Variants in RC3H2 observed in about 807,000 individuals in gnomAD.
The protein encoded by RC3H2 is roquin-2.
RC3H2 carries 31 observed loss-of-function variants against 133.3 expected under a neutral mutation model. The ratio of observed to expected loss-of-function variants is 0.23; its 90% CI spans 0.17 to 0.31. RC3H2 has a LOEUF of 0.31. Ranked by LOEUF, RC3H2 falls within the 10% of genes least tolerant of loss-of-function variation. The probability of loss-of-function intolerance (pLI) is 1.00; values close to 1 mark genes in which losing one functional copy is unlikely to be tolerated. For synonymous variants in RC3H2, 517 were observed against 502.2 expected, an observed-to-expected ratio of 1.03 and a Z score of -0.40; for missense variants, 1,175 against 1,437.2, an observed-to-expected ratio of 0.82 and a Z score of 2.95.
intron 9 of RC3H2, among the ~76,000 whole-genome samples, chr9:122,867,475 C>A (rs369185725): frequency 1.3e-5 from 2 of 148,656 alleles, no homozygotes; most frequent in South Asian, 2.1e-4. Flanking sequence ...CAGCCCCCCG[C>A]CCGGCCAGCC....
chr9:122,848,460 T>C lies in RC3H2; in HGVS notation c.*1167A>G, dbSNP rs1829913479. On this transcript the variant is annotated 3_prime_UTR_variant, in exon 21 of 21. Coordinates refer to ENST00000357244, the MANE Select transcript of RC3H2 (RefSeq NM_001100588.3). ...AGATGCCAAGTCAAAACCATTTCAG[T>C]CACATTTTAGCAAGGCAGAAATTAT... 3 of 152,110 alleles carry C rather than the reference T, an allele frequency of 2.0e-5. No homozygotes were observed. The South Asian group carries it at 6.2e-4, about 32-fold the overall frequency. 9.4% of individuals were successfully genotyped at this position (152,110 alleles called of 1,614,324 possible).
intron 15 of RC3H2, 124 bp downstream of exon 15, chr9:122,855,060 C>T (rs1830187918): frequency 1.7e-5 from 13 of 762,884 alleles, no homozygotes; most frequent in Non-Finnish European, 2.7e-5. Context: ...TTGCAGTGAG[C>T]CAAGATCACA....
chr9:122,862,137 CATG>C (rs1164811775), intron 10 of RC3H2, among the ~76,000 whole-genome samples: 3 of 152,092 alleles, frequency 2.0e-5, no homozygotes, highest in Admixed American at 6.5e-5. Flanking sequence ...CAACAAGATC[CATG>C]ATAAGGTCAA....
In RC3H2 at chr9:122,890,303, C is replaced by A; in HGVS notation, c.583+9G>T. ...CTAATAAAAAAGGTAAGATAGTAAC[C>A]TATCTTACCTGGCCCTAAAAACTGG... On this transcript the variant is annotated intron_variant, in intron 4 of 20. Transcript: ENST00000357244. The A allele has an allele frequency of 6.2e-7, 1 of 1,612,002 alleles. No homozygotes were observed. Among genetic ancestry groups the A allele is most frequent in the Non-Finnish European group, 8.5e-7 (1 of 1,178,248 alleles).
intron 4 of RC3H2, among the ~76,000 whole-genome samples, chr9:122,887,015 T>C (rs187265540): frequency 1.3e-5 from 2 of 152,342 alleles, no homozygotes; most frequent in African/African-American, 4.8e-5. Flanking sequence ...CTTTGTATAA[T>C]GGAAAATTTG....
chr9:122,882,203 T>A (rs1831676166), intron 5 of RC3H2, among the ~76,000 whole-genome samples: 1 of 152,234 alleles, frequency 6.6e-6, no homozygotes, highest in African/African-American at 2.4e-5. Context: ...ATTCAAAAGA[T>A]ACAGAGTTTT....
At chr9:122,862,926 T>G (rs1830513752) in intron 10 of RC3H2, among the ~76,000 whole-genome samples, 1 of 151,444 alleles carries the variant, frequency 6.6e-6, no homozygotes, top group Non-Finnish European at 1.5e-5. Flanking sequence ...TTTACCCTAG[T>G]CTATTTTGTT....
At chr9:122,890,177 A>T in intron 4 of RC3H2, 135 bp downstream of exon 4, 1 of 717,034 alleles carries the variant, frequency 1.4e-6, no homozygotes, top group Non-Finnish European at 2.4e-6. Flanking sequence ...AACAACAAAA[A>T]CAAATTTATC....
At chr9:122,871,789 G>A (rs1190516622) in intron 9 of RC3H2, among the ~76,000 whole-genome samples, 1 of 151,754 alleles carries the variant, frequency 6.6e-6, no homozygotes. Context: ...TACAATGTAA[G>A]CCCCCGGAGG....
intron 9 of RC3H2, among the ~76,000 whole-genome samples, chr9:122,869,437 C>CT (rs1319151034): frequency 6.6e-6 from 1 of 152,024 alleles, no homozygotes; most frequent in Non-Finnish European, 1.5e-5. Flanking sequence ...TTCTCCTTCT[C>CT]TTTAACATGT....
chr9:122,851,394 C>T lies in RC3H2; in HGVS notation c.3160G>A (p.Asp1054Asn). Reference protein sequence around the residue: ...YTEDATDTKPDRDIELELSAL... With the variant: ...YTEDATDTKPNRDIELELSAL... ...GAAAGCTCTAACTCGATATCCCTAT[C>T]AGGTTTAGTATCTGTTGCATCTTCT... is the stretch of plus-strand genomic sequence containing the variant. Residue 1054 changes from aspartate (D) to asparagine (N), a missense_variant, in exon 19 of 21, where the codon GAT (aspartate) becomes AAT (asparagine). Around this residue, in one of 8 missense-constraint regions of RC3H2, gnomAD observed 220 missense variants for 201.1 expected, o/e 1.09. Coordinates refer to ENST00000357244, the MANE Select transcript of RC3H2 (RefSeq NM_001100588.3). 1 of 1,614,174 alleles carries T rather than the reference C, an allele frequency of 6.2e-7. No homozygotes were observed. The highest frequency in any genetic ancestry group is 8.5e-7 in the Non-Finnish European group (1 of 1,180,012).
chr9:122,857,371 G>A (rs1193334060), intron 13 of RC3H2, among the ~76,000 whole-genome samples: 2 of 152,158 alleles, frequency 1.3e-5, no homozygotes, highest in East Asian at 3.8e-4. Context: ...GTAATGCCAA[G>A]AACAATAATT....
At chr9:122,866,568 C>T (rs780172859) in intron 9 of RC3H2, among the ~76,000 whole-genome samples, 4 of 152,088 alleles carry the variant, frequency 2.6e-5, no homozygotes, top group Non-Finnish European at 5.9e-5. Context: ...CCACGCCTGA[C>T]TGGTTTTCTT....
intron 8 of RC3H2, among the ~76,000 whole-genome samples, chr9:122,878,037 G>A (rs143466192): frequency 6.6e-6 from 1 of 152,070 alleles, no homozygotes; most frequent in Non-Finnish European, 1.5e-5. Context: ...GCTTGAGGGT[G>A]CAACTCTCAG....
At position 122,864,621 on chromosome 9, in the gene RC3H2, C is replaced by T. The variant is rs187140076; in HGVS notation, c.1634+728G>A. 1.5e-3 allele frequency among the ~76,000 whole-genome samples: 229 copies of T among 151,726 alleles called. 1 individual carries two copies. The highest frequency in any genetic ancestry group is 0.013 in the Admixed American group (194 of 15,244). On this transcript the variant is annotated intron_variant, in intron 10 of 20. Transcript: ENST00000357244. ...CAGAGAGTGTGGCTCCAAAGAGTCCCCTCCTTTTTTTTTTTTTGAGACAGT... is the reference window on the plus strand; with the variant it reads ...CAGAGAGTGTGGCTCCAAAGAGTCCTCTCCTTTTTTTTTTTTTGAGACAGT...
At position 122,858,100 on chromosome 9, in the gene RC3H2, G is replaced by C. The variant is rs1830320564; in HGVS notation, c.2284-7C>G. The stretch of plus-strand genomic sequence containing the variant: ...TCAAATGACCACAAGGTTCCTAATG[G>C]GGGATAAAAGAAACAATCTTAATCA... On this transcript the variant is annotated splice_region_variant and splice_polypyrimidine_tract_variant and intron_variant, in intron 12 of 20. Transcript: ENST00000357244. 4.3e-6 allele frequency: 7 copies of C among 1,612,568 alleles called. No homozygotes were observed. The highest frequency in any genetic ancestry group is 5.9e-6 in the Non-Finnish European group (7 of 1,179,468).
rs1390512132 is a variant in RC3H2 at position 122,905,121 on chromosome 9, C to T, written c.-79G>A. 5.1e-6 allele frequency: 5 copies of T among 985,270 alleles called. No individual in the cohort carries two copies. The highest frequency in any genetic ancestry group is 6.0e-6 in the Non-Finnish European group (5 of 829,918). 61.0% of individuals were successfully genotyped at this position (985,270 alleles called of 1,614,324 possible). Reference sequence around the variant, plus strand: ...CGCCCCCGCCCTACCTGAGGGGGCCCGGGCGGGGTCGCTAAGGGCCGCTCC... The same window carrying T: ...CGCCCCCGCCCTACCTGAGGGGGCCTGGGCGGGGTCGCTAAGGGCCGCTCC... On this transcript the variant is annotated 5_prime_UTR_variant, in exon 1 of 21. Transcript: ENST00000357244.
chr9:122,864,189 T>C (rs560748858), intron 10 of RC3H2, among the ~76,000 whole-genome samples: 53 of 152,358 alleles, frequency 3.5e-4, no homozygotes, highest in Middle Eastern at 3.4e-3. Flanking sequence ...AGACTATTTA[T>C]AGGCAACAAA....
At chr9:122,858,532 A>T in intron 12 of RC3H2, 137 bp downstream of exon 12, 1 of 650,020 alleles carries the variant, frequency 1.5e-6, no homozygotes, top group Non-Finnish European at 2.6e-6. Flanking sequence ...GGAATGAAAG[A>T]ACTGAGGCAT....
Sources: gnomAD v4.1 joint callset for allele counts (sites outside exome capture counted in the v4.1 genomes callset) on GRCh38, gnomAD v4.1.1 for gene constraint, gnomAD v4.1.1 regional missense constraint, MANE v1.5 for transcripts, NCBI Gene and HGNC (gene_info 2026-07-23, HGNC 2026-07-21) for gene names.